MAST4: variants seen among roughly 807,000 people sequenced by gnomAD.
The protein encoded by MAST4 is microtubule-associated serine/threonine-protein kinase 4.
A neutral mutation model predicts 162.7 loss-of-function variants in MAST4; 89 were observed. That is an observed-to-expected ratio of 0.55 (90% CI 0.46 to 0.65). MAST4 has a LOEUF of 0.65. Among genes scored for constraint, MAST4 ranks in the 30% least tolerant of loss-of-function variants. The pLI is 0.00. For missense variants in MAST4, 3,153 were observed against 3,374.0 expected (o/e 0.93, Z 1.62); for synonymous variants, 1,479 against 1,361.1 (o/e 1.09, Z -1.91).
At chr5:66,885,649 T>G (rs1293183144) in intron 3 of MAST4, among the ~76,000 whole-genome samples, 2 of 152,164 alleles carry the variant, frequency 1.3e-5, no homozygotes, top group Admixed American at 6.5e-5. Flanking sequence ...TTTGGCTTAG[T>G]TTTAAAGTAG....
At chr5:66,783,890 G>A (rs1754990913) in intron 2 of MAST4, among the ~76,000 whole-genome samples, 1 of 152,108 alleles carries the variant, frequency 6.6e-6, no homozygotes, top group Non-Finnish European at 1.5e-5. Flanking sequence ...ATGGGTGCTG[G>A]TTCTGGATTC....
At chr5:66,873,332 G>A (rs561517587) in intron 3 of MAST4, among the ~76,000 whole-genome samples, 3 of 152,296 alleles carry the variant, frequency 2.0e-5, no homozygotes, top group South Asian at 4.1e-4. Flanking sequence ...GTGCATGTAT[G>A]TAGCTAGTGA....
Position 67,110,114 on chromosome 5 carries a change from A to G in MAST4, c.1373A>G (p.Glu458Gly). 6.2e-7 allele frequency: 1 copy of G among 1,613,346 alleles called. No homozygotes were observed. Among genetic ancestry groups the G allele is most frequent in the Non-Finnish European group, 8.5e-7 (1 of 1,179,344 alleles). The change falls in exon 11 of 29, where the codon GAA (glutamate) becomes GGA (glycine). Residue 458 changes from glutamate to glycine, a missense_variant. Physicochemically the swap from Glu to Gly is moderately conservative, Grantham distance 98. Around this residue, in one of 7 missense-constraint regions of MAST4, gnomAD observed 360 missense variants for 450.0 expected, o/e 0.80. Transcript: ENST00000403625. The part of the protein sequence containing the change: ...KLLQEAHDRS[E>G]SGELAFIKQL... ...TTTTCATAGGCTCATGATCGTTCAG[A>G]AAGTGGAGAATTGGCATTTATTAAA...
At chr5:66,717,563 A>G (rs1187926144) in intron 1 of MAST4, among the ~76,000 whole-genome samples, 2 of 152,184 alleles carry the variant, frequency 1.3e-5, no homozygotes, top group East Asian at 1.9e-4. Context: ...TTACAAAGGC[A>G]TAGAGTTAAA....
At chr5:66,859,559 T>G (rs1291448402) in intron 3 of MAST4, among the ~76,000 whole-genome samples, 1 of 152,192 alleles carries the variant, frequency 6.6e-6, no homozygotes, top group East Asian at 1.9e-4. Flanking sequence ...TTAGACTGTG[T>G]AACAGATTAA....
intron 1 of MAST4, among the ~76,000 whole-genome samples, chr5:66,625,209 A>G (rs1324793439): frequency 6.6e-6 from 1 of 152,154 alleles, no homozygotes; most frequent in African/African-American, 2.4e-5. Context: ...ATTATATTGC[A>G]TATGGGATTC....
intron 4 of MAST4, among the ~76,000 whole-genome samples, chr5:67,048,099 G>T (rs1229908474): frequency 6.6e-6 from 1 of 152,126 alleles, no homozygotes; most frequent in African/African-American, 2.4e-5. Flanking sequence ...TTTGCTTTAT[G>T]TTGCATGATA....
At chr5:66,696,076 A>G (rs1467356833) in intron 1 of MAST4, among the ~76,000 whole-genome samples, 1 of 152,198 alleles carries the variant, frequency 6.6e-6, no homozygotes, top group Non-Finnish European at 1.5e-5. Context: ...GGTGGAAGCC[A>G]TTATCCTTGC....
At chr5:66,790,900 T>A (rs1358911711) in intron 3 of MAST4, among the ~76,000 whole-genome samples, 1 of 152,248 alleles carries the variant, frequency 6.6e-6, no homozygotes, top group African/African-American at 2.4e-5. Context: ...AGAAGTGTTT[T>A]TTAGCTGCTG....
chr5:66,671,371 A>G (rs2149473433), intron 1 of MAST4, among the ~76,000 whole-genome samples: 1 of 152,288 alleles, frequency 6.6e-6, no homozygotes, highest in East Asian at 1.9e-4. Context: ...AAGAGGGTAC[A>G]AGAGTGAAGG....
rs559127468 is a variant in MAST4, at chr5:67,092,354, TATA to T, written c.833+2126_833+2128del. On this transcript the variant is annotated intron_variant, in intron 6 of 28. Coordinates refer to ENST00000403625, the MANE Select transcript of MAST4 (RefSeq NM_001164664.2). ...AATAGTCCAAGTATAGACTAGAAAGTATAATGACACAGACTTGCTTTCTATATT... is the reference window on the plus strand; with the variant it reads ...AATAGTCCAAGTATAGACTAGAAAGTATGACACAGACTTGCTTTCTATATT... Among the ~76,000 whole-genome samples, 668 of 152,316 alleles carry T rather than the reference TATA, an allele frequency of 4.4e-3. 5 individuals are homozygous for T. The highest frequency in any genetic ancestry group is 0.014 in the African/African-American group (572 of 41,580).
chr5:66,813,180 G>A (rs1335766401), intron 3 of MAST4, among the ~76,000 whole-genome samples: 5 of 152,194 alleles, frequency 3.3e-5, no homozygotes, highest in African/African-American at 1.2e-4. Context: ...TTATCACTTT[G>A]TGGGGAGCTT....
At chr5:66,621,861 A>G (rs769832525) in intron 1 of MAST4, among the ~76,000 whole-genome samples, 5 of 152,212 alleles carry the variant, frequency 3.3e-5, no homozygotes, top group Non-Finnish European at 5.9e-5. Context: ...GTCGTCTTCT[A>G]TAGAGGGCCA....
rs370754441 is a variant in MAST4, at chr5:66,879,499, T to A, written c.643-20452T>A. ...AGCTATGCTTTCTGGGAAAATAGCT[T>A]GCTTTCTTTGTTTTGTTTTGTTTTT... On this transcript the variant is annotated intron_variant, in intron 3 of 28. Coordinates refer to ENST00000403625, the MANE Select transcript of MAST4 (RefSeq NM_001164664.2). Among the ~76,000 whole-genome samples, 22 of 152,124 alleles carry A rather than the reference T, an allele frequency of 1.4e-4. No homozygotes were observed. In the East Asian group the frequency reaches 3.7e-3, roughly 25 times the overall value.
At chr5:66,979,860 T>C (rs775438202) in intron 4 of MAST4, among the ~76,000 whole-genome samples, 1 of 152,258 alleles carries the variant, frequency 6.6e-6, no homozygotes, top group Non-Finnish European at 1.5e-5. Flanking sequence ...AATTCACATG[T>C]GTATAGAATA....
chr5:67,085,165 C>T (rs1057492034), intron 5 of MAST4, among the ~76,000 whole-genome samples: 1 of 152,174 alleles, frequency 6.6e-6, no homozygotes, highest in African/African-American at 2.4e-5. Flanking sequence ...ATTAATGCCA[C>T]CATATACCCA....
chr5:66,820,868 T>C (rs941842956), intron 3 of MAST4, among the ~76,000 whole-genome samples: 1 of 152,144 alleles, frequency 6.6e-6, no homozygotes, highest in Admixed American at 6.5e-5. Flanking sequence ...TGATGGCTAA[T>C]ATGCCAGAAA....
At chr5:66,737,392 G>A (rs1752217107) in intron 1 of MAST4, among the ~76,000 whole-genome samples, 2 of 152,148 alleles carry the variant, frequency 1.3e-5, no homozygotes, top group South Asian at 4.1e-4. Flanking sequence ...TTACAGTTGA[G>A]CCTCAGAAAT....
At chr5:66,788,607 C>CCAACAAAAAAAAAA in intron 2 of MAST4, 63 bp from the exon 3 acceptor site, 2 of 1,373,720 alleles carry the variant, frequency 1.5e-6, no homozygotes, top group Non-Finnish European at 2.0e-6. Flanking sequence ...CCCCCACCCC[C>CCAACAAAAAAAAAA]ATTGCAATAA....
Sources: gnomAD v4.1 joint callset for allele counts (sites outside exome capture counted in the v4.1 genomes callset) on GRCh38, gnomAD v4.1.1 for gene constraint, gnomAD v4.1.1 regional missense constraint, MANE v1.5 for transcripts, NCBI Gene and HGNC (gene_info 2026-07-23, HGNC 2026-07-21) for gene names.